UNC5D: variants seen among roughly 807,000 people sequenced by gnomAD.
UNC5D encodes the protein netrin receptor UNC5D.
In UNC5D, 39 loss-of-function variants were observed where a neutral mutation model predicts 105.4. That is an observed-to-expected ratio of 0.37 (90% confidence interval 0.29 to 0.48). The LOEUF (loss-of-function observed/expected upper bound fraction) is 0.48, where lower values mean the gene tolerates loss of function less well. Ranked by LOEUF, UNC5D falls within the 20% of genes least tolerant of loss-of-function variation. UNC5D has a pLI of 0.98. For synonymous variants in UNC5D, 452 were observed against 450.4 expected (o/e 1.00, Z -0.04); for missense variants, 991 against 1,202.4 (o/e 0.82, Z 2.60).
At chr8:35,691,170 A>C (rs979891961) in intron 7 of UNC5D, among the ~76,000 whole-genome samples, 1 of 152,166 alleles carries the variant, frequency 6.6e-6, no homozygotes, top group African/African-American at 2.4e-5. Flanking sequence ...ACAGATGGCC[A>C]CACCTAGATG....
At chr8:35,593,116 A>AT in intron 3 of UNC5D, among the ~76,000 whole-genome samples, 1 of 152,216 alleles carries the variant, frequency 6.6e-6, no homozygotes, top group South Asian at 2.1e-4. Context: ...ACGTGTATAA[A>AT]TAGATATGTA....
At chr8:35,437,205 A>G (rs749402505) in intron 1 of UNC5D, among the ~76,000 whole-genome samples, 11 of 152,082 alleles carry the variant, frequency 7.2e-5, no homozygotes, top group Non-Finnish European at 1.5e-4. Context: ...TGCATTTATC[A>G]TGCTCATTAT....
chr8:35,298,417 C>G (rs1807662092), intron 1 of UNC5D, among the ~76,000 whole-genome samples: 1 of 152,098 alleles, frequency 6.6e-6, no homozygotes, highest in Non-Finnish European at 1.5e-5. Flanking sequence ...GATTCAGAGG[C>G]TTAGGTACTC....
At chr8:35,456,829 G>C (rs1808529965) in intron 1 of UNC5D, among the ~76,000 whole-genome samples, 1 of 152,162 alleles carries the variant, frequency 6.6e-6, no homozygotes, top group Non-Finnish European at 1.5e-5. Flanking sequence ...GGCTTGTTAG[G>C]AAAGGGCAAT....
chr8:35,441,739 G>A (rs1215492158), intron 1 of UNC5D, among the ~76,000 whole-genome samples: 3 of 151,416 alleles, frequency 2.0e-5, no homozygotes, highest in Non-Finnish European at 4.4e-5. Context: ...TCATAGAGTA[G>A]GTTAATGAGA....
chr8:35,721,443 T>A, intron 8 of UNC5D: 1 of 702,964 alleles, frequency 1.4e-6, no homozygotes, highest in East Asian at 2.7e-5. Context: ...GCTTTGCCCA[T>A]GCATTCAATA....
chr8:35,590,009 G>C (rs922571225), intron 3 of UNC5D, among the ~76,000 whole-genome samples: 1 of 152,080 alleles, frequency 6.6e-6, no homozygotes, highest in African/African-American at 2.4e-5. Context: ...TAAGCCTCTT[G>C]CAAGAGGAAG....
Position 35,668,401 on chromosome 8 carries a change from A to G in UNC5D, c.571-15146A>G, listed in dbSNP as rs530939656. Among the ~76,000 whole-genome samples the G allele has an allele frequency of 5.9e-5, 9 of 152,250 alleles. No homozygotes were observed. In the South Asian group the frequency reaches 1.9e-3, roughly 32 times the overall value. ...TATGTTGGTATAACGACACTTTGTC[A>G]TGCTGCAAACATTTTTTAAACTTTT... On this transcript the variant is annotated intron_variant, in intron 4 of 16. Transcript: ENST00000404895.
rs1802398582 is a variant in UNC5D, at chr8:35,370,993, GT to G, written c.103+135107del. ...AATCTGAGCACTTTGTGGGGCTGAG[GT>G]GGGAGGATTGCTTGAAGCCAGCAGT... On this transcript the variant is annotated intron_variant, in intron 1 of 16. Transcript: ENST00000404895. Among the ~76,000 whole-genome samples the G allele has an allele frequency of 2.0e-5, 3 of 152,296 alleles. No homozygotes were observed. The South Asian group carries it at 6.2e-4, about 32-fold the overall frequency.
chr8:35,760,811 T>A (rs952955404), intron 14 of UNC5D, among the ~76,000 whole-genome samples: 2 of 151,990 alleles, frequency 1.3e-5, no homozygotes, highest in East Asian at 3.9e-4. Context: ...TATACCAGCT[T>A]GTCAGAATGG....
intron 1 of UNC5D, among the ~76,000 whole-genome samples, chr8:35,475,024 T>C (rs1378101282): frequency 6.6e-6 from 1 of 152,126 alleles, no homozygotes; most frequent in Non-Finnish European, 1.5e-5. Flanking sequence ...TTTCAGTGGT[T>C]CTCTCTGGAT....
intron 1 of UNC5D, among the ~76,000 whole-genome samples, chr8:35,441,286 C>T (rs943013110): frequency 2.6e-5 from 4 of 151,882 alleles, no homozygotes; most frequent in Non-Finnish European, 4.4e-5. Context: ...GAGTACAGCA[C>T]AGTAAGATTT....
intron 1 of UNC5D, among the ~76,000 whole-genome samples, chr8:35,332,272 G>A (rs1413353969): frequency 1.3e-5 from 2 of 152,102 alleles, no homozygotes; most frequent in Non-Finnish European, 2.9e-5. Flanking sequence ...ATATTTTGGA[G>A]GCTTTTACTA....
intron 1 of UNC5D, among the ~76,000 whole-genome samples, chr8:35,365,444 C>A (rs895532181): frequency 6.6e-6 from 1 of 151,762 alleles, no homozygotes; most frequent in Non-Finnish European, 1.5e-5. Context: ...CTGAAAAAAA[C>A]CAATGCATGA....
At chr8:35,617,631 G>T (rs1821109852) in intron 4 of UNC5D, among the ~76,000 whole-genome samples, 1 of 152,166 alleles carries the variant, frequency 6.6e-6, no homozygotes, top group Non-Finnish European at 1.5e-5. Context: ...CCAGAGCTTT[G>T]ATTTGTGCAA....
chr8:35,692,035 C>CTGAT (rs1200256999), intron 7 of UNC5D, among the ~76,000 whole-genome samples: 1 of 152,152 alleles, frequency 6.6e-6, no homozygotes, highest in Non-Finnish European at 1.5e-5. Context: ...GCTTAGCTAC[C>CTGAT]TGATAGCTAG....
rs1803011220 is a variant in UNC5D at position 35,790,945 on chromosome 8, A to T, written c.*382A>T. The T allele has an allele frequency of 9.4e-6, 2 of 213,556 alleles. No homozygotes were observed. The highest frequency in any genetic ancestry group is 1.8e-4 in the South Asian group (2 of 11,024). 13.2% of individuals were successfully genotyped at this position (213,556 alleles called of 1,614,324 possible). On this transcript the variant is annotated 3_prime_UTR_variant, in exon 17 of 17. Transcript: ENST00000404895. ...TTTTAATGATGTGCCCCAAAGGGCC[A>T]GCTGATTCTGGTACTAGATTGTCAG...
At chr8:35,735,852 G>T (rs2131590439) in intron 11 of UNC5D, among the ~76,000 whole-genome samples, 1 of 152,262 alleles carries the variant, frequency 6.6e-6, no homozygotes, top group Middle Eastern at 3.4e-3. Context: ...TAAGCACTCA[G>T]AAATGTCCTT....
chr8:35,584,392 G>GT (rs1554566496), intron 3 of UNC5D, among the ~76,000 whole-genome samples: 3 of 151,314 alleles, frequency 2.0e-5, no homozygotes, highest in African/African-American at 7.3e-5. Flanking sequence ...TTTTTTGTTT[G>GT]TTTGTTTTGT....
Sources: allele counts gnomAD v4.1 joint callset (sites outside exome capture counted in the v4.1 genomes callset), GRCh38; gene constraint gnomAD v4.1.1; transcripts MANE v1.5; gene names NCBI Gene and HGNC (gene_info 2026-07-23, HGNC 2026-07-21).